UBE2K: variants seen among roughly 807,000 people sequenced by gnomAD.
UBE2K encodes ubiquitin-conjugating enzyme E2 K.
Under a neutral mutation model 30.0 loss-of-function variants are expected in UBE2K, and 6 were observed. That is an observed-to-expected ratio of 0.20 (90% CI 0.11 to 0.39). The LOEUF (loss-of-function observed/expected upper bound fraction) is 0.39. UBE2K is among the 10% of genes least tolerant of loss of function. UBE2K has a pLI of 1.00. For synonymous variants in UBE2K, 86 were observed against 83.7 expected, an observed-to-expected ratio of 1.03 and a Z score of -0.15; for missense variants, 61 against 241.6, an observed-to-expected ratio of 0.25 and a Z score of 4.96.
At chr4:39,702,221 C>G (rs1249598437) in intron 1 of UBE2K, among the ~76,000 whole-genome samples, 1 of 58,644 alleles carries the variant, frequency 1.7e-5, no homozygotes, top group African/African-American at 5.6e-5. Flanking sequence ...CTTTTCTTTT[C>G]TTTTCTTTTC....
At chr4:39,768,423 G>A (rs1399774879) in intron 4 of UBE2K, among the ~76,000 whole-genome samples, 1 of 147,708 alleles carries the variant, frequency 6.8e-6, no homozygotes, top group Non-Finnish European at 1.5e-5. Context: ...CTCCAGCCTG[G>A]GGGACAGAGT....
At chr4:39,760,170 C>T (rs1184364357) in intron 4 of UBE2K, among the ~76,000 whole-genome samples, 2 of 56,354 alleles carry the variant, frequency 3.5e-5, no homozygotes, top group Admixed American at 3.1e-4. Flanking sequence ...GAGCGAGACT[C>T]TGTCACAAAA....
intron 1 of UBE2K, among the ~76,000 whole-genome samples, chr4:39,700,090 C>T (rs1470360891): frequency 2.0e-5 from 3 of 152,102 alleles, no homozygotes; most frequent in African/African-American, 7.2e-5. Context: ...ACTTAATAGA[C>T]TTTTAATGCT....
rs1720540878 is a variant in UBE2K at position 39,739,225 on chromosome 4, G to A, written c.157+1712G>A. On this transcript the variant is annotated intron_variant, in intron 2 of 6. Coordinates refer to ENST00000261427, the MANE Select transcript of UBE2K (RefSeq NM_005339.5). The stretch of plus-strand genomic sequence containing the variant: ...TTTGTATTTTTTTAGTAGAGACGGT[G>A]TTTCACCGTGTTAGCCAGAATGGTC... Among the ~76,000 whole-genome samples the A allele has an allele frequency of 2.0e-5, 3 of 150,512 alleles. No individual in the cohort carries two copies. The South Asian group carries it at 6.3e-4, about 32-fold the overall frequency.
chr4:39,708,890 G>C (rs1247171402), intron 1 of UBE2K, among the ~76,000 whole-genome samples: 1 of 151,138 alleles, frequency 6.6e-6, no homozygotes, highest in Non-Finnish European at 1.5e-5. Context: ...CAACTTTACA[G>C]AAGGGGATAA....
intron 4 of UBE2K, among the ~76,000 whole-genome samples, chr4:39,767,127 A>G (rs961494854): frequency 1.3e-5 from 2 of 152,092 alleles, no homozygotes; most frequent in African/African-American, 4.8e-5. Flanking sequence ...CTTTGATGTC[A>G]TATCCAAGGA....
chr4:39,755,791 G>C (rs953521519), intron 4 of UBE2K, 52 bp downstream of exon 4: 1 of 1,319,748 alleles, frequency 7.6e-7, no homozygotes, highest in Non-Finnish European at 1.1e-6. Flanking sequence ...TACCAAGACT[G>C]TAAGAGTGTT....
At chr4:39,724,650 G>A (rs1247822491) in intron 1 of UBE2K, among the ~76,000 whole-genome samples, 1 of 149,804 alleles carries the variant, frequency 6.7e-6, no homozygotes, top group Non-Finnish European at 1.5e-5. Context: ...ATGCCTGTAG[G>A]CCCAGCTACT....
intron 4 of UBE2K, among the ~76,000 whole-genome samples, chr4:39,774,276 A>G (rs1713140203): frequency 6.6e-6 from 1 of 151,458 alleles, no homozygotes; most frequent in Non-Finnish European, 1.5e-5. Context: ...TGCCCACTCC[A>G]GCCTGAGCGG....
intron 1 of UBE2K, among the ~76,000 whole-genome samples, chr4:39,725,396 A>C (rs891392637): frequency 1.8e-4 from 27 of 149,300 alleles, no homozygotes; most frequent in African/African-American, 4.5e-4. Context: ...AAAAAAAAAA[A>C]AAAAAAAAAA....
At chr4:39,735,664 AG>A (rs1406393216) in intron 1 of UBE2K, among the ~76,000 whole-genome samples, 1 of 152,188 alleles carries the variant, frequency 6.6e-6, no homozygotes, top group African/African-American at 2.4e-5. Context: ...TACAGGCATG[AG>A]CCACCGCGCC....
intron 4 of UBE2K, among the ~76,000 whole-genome samples, chr4:39,766,129 TGGATTA>T (rs1712317733): frequency 6.6e-6 from 1 of 152,210 alleles, no homozygotes; most frequent in Non-Finnish European, 1.5e-5. Flanking sequence ...GTGGAATCAC[TGGATTA>T]TATAGTAACT....
chr4:39,750,855 C>G (rs991710686), intron 3 of UBE2K, among the ~76,000 whole-genome samples: 2 of 151,616 alleles, frequency 1.3e-5, no homozygotes, highest in Non-Finnish European at 2.9e-5. Context: ...AAGCGATCCT[C>G]TCACCTCAGC....
chr4:39,771,673 G>A (rs1712873420), intron 4 of UBE2K, among the ~76,000 whole-genome samples: 1 of 152,126 alleles, frequency 6.6e-6, no homozygotes, highest in African/African-American at 2.4e-5. Context: ...GGCCTCGCGC[G>A]CGCGGCGACG....
At chr4:39,716,306 T>C (rs965149622) in intron 1 of UBE2K, among the ~76,000 whole-genome samples, 1 of 152,128 alleles carries the variant, frequency 6.6e-6, no homozygotes, top group African/African-American at 2.4e-5. Context: ...GGTGCCGTGT[T>C]GTGATCACAG....
chr4:39,750,831 T>C (rs1721217827), intron 3 of UBE2K, among the ~76,000 whole-genome samples: 1 of 151,918 alleles, frequency 6.6e-6, no homozygotes, highest in African/African-American at 2.4e-5. Flanking sequence ...CTGCAACCTC[T>C]GCCTCCTGGG....
chr4:39,746,863 A>G (rs1721012207), intron 3 of UBE2K, among the ~76,000 whole-genome samples: 1 of 152,250 alleles, frequency 6.6e-6, no homozygotes, highest in Non-Finnish European at 1.5e-5. Flanking sequence ...TACAATTTAT[A>G]TAGTGGCAAC....
chr4:39,734,465 C>T (rs1472952684), intron 1 of UBE2K, among the ~76,000 whole-genome samples: 2 of 151,950 alleles, frequency 1.3e-5, no homozygotes, highest in African/African-American at 4.8e-5. Context: ...TAATAATGTT[C>T]TTTCTATAGA....
intron 2 of UBE2K, among the ~76,000 whole-genome samples, chr4:39,744,835 A>G (rs1423065445): frequency 1.3e-5 from 2 of 150,314 alleles, no homozygotes; most frequent in Admixed American, 1.3e-4. Context: ...TGAACCCGGG[A>G]GGTGGAGCTT....
Sources: allele counts gnomAD v4.1 joint callset (sites outside exome capture counted in the v4.1 genomes callset), GRCh38; gene constraint gnomAD v4.1.1; transcripts MANE v1.5; gene names NCBI Gene and HGNC (gene_info 2026-07-23, HGNC 2026-07-21).